The following AFG2A variants were observed in gnomAD, a reference collection of about 807,000 sequenced individuals.
The protein encoded by AFG2A is ATPase family gene 2 protein homolog A.
chr4:122,968,689 G>C, the AFG2A span, among the ~76,000 whole-genome samples: 1 of 152,156 alleles, frequency 6.6e-6, no homozygotes. Context: ...TCTATTATTT[G>C]TCTAAGAGTG....
chr4:123,041,925 G>A, the AFG2A span, among the ~76,000 whole-genome samples: 1 of 152,156 alleles, frequency 6.6e-6, no homozygotes, highest in African/African-American at 2.4e-5. Flanking sequence ...GGATTCCTGT[G>A]TTTATGCTAT....
chr4:123,222,961 C>T, the AFG2A span, among the ~76,000 whole-genome samples: 1 of 152,104 alleles, frequency 6.6e-6, no homozygotes, highest in Non-Finnish European at 1.5e-5. Context: ...TAAGTTGTTT[C>T]CACATCTTGG....
chr4:123,018,812 T>G, the AFG2A span, among the ~76,000 whole-genome samples: 1 of 151,818 alleles, frequency 6.6e-6, no homozygotes. Flanking sequence ...TTTTTTTTTT[T>G]TTTGTATTTT....
At chr4:123,307,100 G>A in the AFG2A span, among the ~76,000 whole-genome samples, 2 of 152,182 alleles carry the variant, frequency 1.3e-5, no homozygotes, top group Non-Finnish European at 2.9e-5. Flanking sequence ...ACTCAGCAGA[G>A]TTCTTTATGG....
At chr4:123,111,982 C>T in the AFG2A span, among the ~76,000 whole-genome samples, 1 of 152,146 alleles carries the variant, frequency 6.6e-6, no homozygotes, top group East Asian at 1.9e-4. Flanking sequence ...CTCAGCCTCC[C>T]AAAGTGCTGG....
chr4:123,279,743 C>T, the AFG2A span, among the ~76,000 whole-genome samples: 2 of 152,138 alleles, frequency 1.3e-5, no homozygotes, highest in Non-Finnish European at 2.9e-5. Flanking sequence ...ATGTAGATGT[C>T]AGCACATACT....
At chr4:123,182,990 A>G in the AFG2A span, among the ~76,000 whole-genome samples, 1 of 152,222 alleles carries the variant, frequency 6.6e-6, no homozygotes. Flanking sequence ...TTCCAAATCT[A>G]GCTGTACATC....
chr4:123,067,274 T>G, the AFG2A span, among the ~76,000 whole-genome samples: 1 of 152,048 alleles, frequency 6.6e-6, no homozygotes, highest in African/African-American at 2.4e-5. Context: ...ATCCCAGCAC[T>G]TTGGGAGGCT....
chr4:123,198,048 A>G, the AFG2A span, among the ~76,000 whole-genome samples: 1 of 152,090 alleles, frequency 6.6e-6, no homozygotes, highest in Non-Finnish European at 1.5e-5. Flanking sequence ...AGGTGGGCAG[A>G]TCATGAGGTC....
the AFG2A span, among the ~76,000 whole-genome samples, chr4:123,238,388 AC>A: frequency 6.6e-6 from 1 of 152,092 alleles, no homozygotes; most frequent in South Asian, 2.1e-4. Flanking sequence ...TGGGTCCCTG[AC>A]CCCCATGTAG....
the AFG2A span, among the ~76,000 whole-genome samples, chr4:122,977,338 G>A: frequency 6.6e-6 from 1 of 152,202 alleles, no homozygotes; most frequent in Non-Finnish European, 1.5e-5. Context: ...GAGTGAGCCC[G>A]AGGTCCGGCC....
chr4:123,028,101 T>C, the AFG2A span: 1 of 1,117,554 alleles, frequency 8.9e-7, no homozygotes, highest in Non-Finnish European at 1.3e-6. Context: ...TTGCAGTTCT[T>C]CTGTTAATGA....
the AFG2A span, among the ~76,000 whole-genome samples, chr4:123,019,622 A>G: frequency 6.6e-6 from 1 of 152,190 alleles, no homozygotes; most frequent in South Asian, 2.1e-4. Flanking sequence ...CAATTTTCAA[A>G]TCTGTCTTCA....
chr4:123,165,725 GAA>G, the AFG2A span, among the ~76,000 whole-genome samples: 1 of 151,982 alleles, frequency 6.6e-6, no homozygotes, highest in African/African-American at 2.4e-5. Flanking sequence ...ATCCTGCTCT[GAA>G]AATAATATAA....
the AFG2A span, among the ~76,000 whole-genome samples, chr4:123,226,015 C>T: frequency 1.4e-4 from 21 of 152,060 alleles, no homozygotes; most frequent in Admixed American, 1.3e-4. Flanking sequence ...CTCTGTTTGT[C>T]TGTTATTGGT....
chr4:122,977,743 C>A, the AFG2A span, among the ~76,000 whole-genome samples: 2 of 152,204 alleles, frequency 1.3e-5, no homozygotes, highest in Admixed American at 1.3e-4. Context: ...ATGTGGACAG[C>A]TGGAGGGTGA....
chr4:122,978,061 A>G, the AFG2A span, among the ~76,000 whole-genome samples: 4 of 150,782 alleles, frequency 2.7e-5, no homozygotes, highest in Non-Finnish European at 5.9e-5. Context: ...GTGCATGTCC[A>G]GCTCTCAGTG....
chr4:123,057,410 A>T, the AFG2A span: 2 of 1,041,700 alleles, frequency 1.9e-6, no homozygotes, highest in African/African-American at 1.6e-5. Flanking sequence ...GGCCTAAAAA[A>T]GTTTTCAGTT....
chr4:123,001,799 T>G, the AFG2A span, among the ~76,000 whole-genome samples: 1 of 151,940 alleles, frequency 6.6e-6, no homozygotes, highest in South Asian at 2.1e-4. Flanking sequence ...GGGTGGAGAG[T>G]TCTGTAGATG....
Sources: allele counts gnomAD v4.1 joint callset (sites outside exome capture counted in the v4.1 genomes callset), GRCh38; gene constraint gnomAD v4.1.1; transcripts MANE v1.5; gene names NCBI Gene and HGNC (gene_info 2026-07-23, HGNC 2026-07-21).